Variants in PLLP observed in about 807,000 individuals in gnomAD.
PLLP encodes plasmolipin.
PLLP carries 15 observed loss-of-function variants against 19.7 expected under a neutral mutation model. That is an observed-to-expected ratio of 0.76 (90% CI 0.51 to 1.17). PLLP has a LOEUF of 1.17. Ranked by LOEUF, PLLP falls within the 50% of genes most tolerant of loss-of-function variation. The pLI, the probability that PLLP is intolerant of heterozygous loss-of-function variation, is 0.00. For missense variants in PLLP, 255 were observed against 258.3 expected (o/e 0.99, Z 0.09); for synonymous variants, 111 against 116.3 (o/e 0.95, Z 0.29).
chr16:57,265,406 T>C (rs946111839), intron 1 of PLLP, among the ~76,000 whole-genome samples: 2 of 152,248 alleles, frequency 1.3e-5, no homozygotes, highest in Admixed American at 6.5e-5. Context: ...AGATAAACAA[T>C]TATTTTTTCA....
At chr16:57,283,401 C>T (rs1020563753) in intron 1 of PLLP, among the ~76,000 whole-genome samples, 1 of 152,162 alleles carries the variant, frequency 6.6e-6, no homozygotes, top group Non-Finnish European at 1.5e-5. Context: ...AACCACCCTG[C>T]CCTCTAGCTT....
chr16:57,259,179 G>A (rs2075435010), intron 2 of PLLP, among the ~76,000 whole-genome samples: 1 of 152,288 alleles, frequency 6.6e-6, no homozygotes, highest in East Asian at 1.9e-4. Flanking sequence ...TGATGGGGTA[G>A]TGGCAGTGCC....
At chr16:57,264,106 G>C (rs1346658770) in intron 1 of PLLP, among the ~76,000 whole-genome samples, 2 of 152,150 alleles carry the variant, frequency 1.3e-5, no homozygotes, top group Admixed American at 1.3e-4. Flanking sequence ...TGGGGTGCCT[G>C]CCAGGCACCC....
rs139724534 is a variant in PLLP, at chr16:57,258,087, C to T, written c.432+375G>A. On this transcript the variant is annotated intron_variant, in intron 3 of 3. Coordinates refer to ENST00000219207, the MANE Select transcript of PLLP (RefSeq NM_015993.3). ...AAAATACAAAATACAAAAAAATTAG[C>T]GGGTGTGGCAGCACACACCTCTAGT... Among the ~76,000 whole-genome samples the T allele has an allele frequency of 1.1e-4, 16 of 152,122 alleles. No individual in the cohort carries two copies. The East Asian group carries it at 2.5e-3, about 24-fold the overall frequency.
chr16:57,269,484 A>G (rs537229934), intron 1 of PLLP, among the ~76,000 whole-genome samples: 11 of 152,308 alleles, frequency 7.2e-5, no homozygotes, highest in African/African-American at 2.4e-4. Context: ...TGTGAAAGAA[A>G]ACATTAAAAG....
chr16:57,277,816 G>A (rs1901172114), intron 1 of PLLP, among the ~76,000 whole-genome samples: 1 of 152,192 alleles, frequency 6.6e-6, no homozygotes, highest in Non-Finnish European at 1.5e-5. Context: ...CAAGGCATGT[G>A]GTTGCCTGGG....
At chr16:57,262,960 T>C (rs968416197) in intron 1 of PLLP, among the ~76,000 whole-genome samples, 31 of 152,062 alleles carry the variant, frequency 2.0e-4, no homozygotes, top group African/African-American at 2.4e-5. Context: ...TTCCCCAGAC[T>C]GCGAGCTCCA....
chr16:57,263,680 G>A lies in PLLP; in HGVS notation c.136-1610C>T, dbSNP rs1367949280. 3.5e-5 allele frequency among the ~76,000 whole-genome samples: 4 copies of A among 115,586 alleles called. No individual in the cohort carries two copies. The East Asian group carries it at 9.9e-4, about 29-fold the overall frequency. The allele number at this position is 115,586 out of a possible 152,430, so 75.8% of individuals were successfully genotyped here. ...CAGGGAGCTCGTGGAGGCCCCCAGA[G>A]GCACCTCGGATGTGGCCATCCTGGG... On this transcript the variant is annotated intron_variant, in intron 1 of 3. Coordinates refer to ENST00000219207, the MANE Select transcript of PLLP (RefSeq NM_015993.3).
At chr16:57,279,377 T>TG (rs1491124538) in intron 1 of PLLP, among the ~76,000 whole-genome samples, 1 of 150,920 alleles carries the variant, frequency 6.6e-6, no homozygotes, top group Non-Finnish European at 1.5e-5. Context: ...TTTTTTTTTT[T>TG]GTTAAGAGTA....
chr16:57,278,477 AT>A (rs1476528717), intron 1 of PLLP, among the ~76,000 whole-genome samples: 1 of 152,232 alleles, frequency 6.6e-6, no homozygotes, highest in Non-Finnish European at 1.5e-5. Flanking sequence ...GAGGTGGGTA[AT>A]CCAACTACAG....
intron 1 of PLLP, among the ~76,000 whole-genome samples, chr16:57,266,098 T>C (rs2075456280): frequency 6.6e-6 from 1 of 152,138 alleles, no homozygotes; most frequent in Non-Finnish European, 1.5e-5. Context: ...CCTGCGCTAC[T>C]ATGAGTTATT....
At chr16:57,261,722 G>GA (rs2075442177) in intron 2 of PLLP, among the ~76,000 whole-genome samples, 175 bp downstream of exon 2, 1 of 151,860 alleles carries the variant, frequency 6.6e-6, no homozygotes, top group African/African-American at 2.4e-5. Flanking sequence ...TGTCTTGAAG[G>GA]AAAAATAGAA....
intron 3 of PLLP, among the ~76,000 whole-genome samples, chr16:57,257,391 C>T (rs2075429176): frequency 6.6e-6 from 1 of 152,238 alleles, no homozygotes; most frequent in Non-Finnish European, 1.5e-5. Context: ...TCTATACTAA[C>T]ACCTGCAGCC....
intron 1 of PLLP, among the ~76,000 whole-genome samples, chr16:57,281,502 AT>A (rs1297960771): frequency 7.2e-4 from 80 of 110,594 alleles, no homozygotes; most frequent in Admixed American, 2.9e-3. Context: ...CAACAAGCAG[AT>A]TTTTTTTTTA....
rs1471704014 is a variant in PLLP at position 57,284,268 on chromosome 16, G to A, written c.135+138C>T. ...TGCGGGAAGCGCCCTAGGGGTACGC[G>A]CAGCGCGTCGGTGACAGTGTGAGCC... On this transcript the variant is annotated intron_variant, in intron 1 of 3. Transcript: ENST00000219207. 7.8e-6 allele frequency: 6 copies of A among 770,534 alleles called. No homozygotes were observed. The East Asian group carries it at 2.0e-4, about 26-fold the overall frequency. 47.7% of individuals were successfully genotyped at this position (770,534 alleles called of 1,614,324 possible).
chr16:57,271,805 T>C (rs953239346), intron 1 of PLLP, among the ~76,000 whole-genome samples: 76 of 152,052 alleles, frequency 5.0e-4, no homozygotes, highest in African/African-American at 1.8e-3. Context: ...AGGGGCCTCT[T>C]CAGTGACACT....
intron 2 of PLLP, among the ~76,000 whole-genome samples, chr16:57,260,908 C>T (rs2075439928): frequency 6.6e-6 from 1 of 152,238 alleles, no homozygotes; most frequent in African/African-American, 2.4e-5. Flanking sequence ...CCACAGCCTC[C>T]AGCCACAGGG....
Position 57,256,784 on chromosome 16 carries a change from G to A in PLLP, c.*129C>T. On this transcript the variant is annotated 3_prime_UTR_variant, in exon 4 of 4. Transcript: ENST00000219207. The stretch of plus-strand genomic sequence containing the variant: ...TGTGAGAGCTTATGTCTGACGGGCA[G>A]AGAGGAGCAAATGCAGTCCCTGTTG... The A allele has an allele frequency of 6.1e-6, 4 of 651,828 alleles. No individual in the cohort carries two copies. Among genetic ancestry groups the A allele is most frequent in the Middle Eastern group, 4.2e-4 (1 of 2,396 alleles). 40.4% of individuals were successfully genotyped at this position (651,828 alleles called of 1,614,324 possible). A position where few individuals can be genotyped will look rare whatever the true frequency, so the allele number is the denominator to read the frequency against.
rs768066790 is a variant in PLLP, at chr16:57,284,537, C to T, written c.4G>A (p.Ala2Thr). 7 of 1,365,928 alleles carry T rather than the reference C, an allele frequency of 5.1e-6. No homozygotes were observed. Among genetic ancestry groups the T allele is most frequent in the Non-Finnish European group, 4.8e-6 (5 of 1,050,632 alleles). 84.6% of individuals were successfully genotyped at this position (1,365,928 alleles called of 1,614,324 possible). M[A>T]EFPSKVSTRT... is the part of the protein sequence containing the mutation. ...GTGCTAACTTTCGACGGGAACTCGG[C>T]CATGGCGGCTCCGCTTGCCTCCCGA... The change falls in exon 1 of 4, where the codon GCC (alanine) becomes ACC (threonine). Residue 2 changes from alanine (A) to threonine (T), a missense_variant. Coordinates refer to ENST00000219207, the MANE Select transcript of PLLP (RefSeq NM_015993.3).
Sources: allele counts gnomAD v4.1 joint callset (sites outside exome capture counted in the v4.1 genomes callset), GRCh38; gene constraint gnomAD v4.1.1; transcripts MANE v1.5; gene names NCBI Gene and HGNC (gene_info 2026-07-23, HGNC 2026-07-21).